PPP2R2B: variants seen among roughly 807,000 people sequenced by gnomAD.
PPP2R2B encodes the protein serine/threonine-protein phosphatase 2A 55 kDa regulatory subunit B beta isoform.
Under a neutral mutation model 46.0 loss-of-function variants are expected in PPP2R2B, and 5 were observed. The ratio of observed to expected loss-of-function variants is 0.11; its 90% CI spans 0.06 to 0.23. The LOEUF (loss-of-function observed/expected upper bound fraction) is 0.23, where lower values mean the gene tolerates loss of function less well. PPP2R2B is among the 10% of genes least tolerant of loss of function. The pLI, the probability that PPP2R2B is intolerant of heterozygous loss-of-function variation, is 1.00. For missense variants in PPP2R2B, 367 were observed against 575.0 expected (o/e 0.64, Z 3.70); for synonymous variants, 215 against 206.7 (o/e 1.04, Z -0.34).
chr5:147,040,010 G>A (rs745414202), intron 1 of PPP2R2B, among the ~76,000 whole-genome samples: 2 of 152,122 alleles, frequency 1.3e-5, no homozygotes, highest in Non-Finnish European at 2.9e-5. Flanking sequence ...GATGTTTTAC[G>A]TATCTTATTT....
intron 5 of PPP2R2B, among the ~76,000 whole-genome samples, chr5:146,687,134 A>C (rs1778560237): frequency 6.6e-6 from 1 of 151,994 alleles, no homozygotes; most frequent in African/African-American, 2.4e-5. Flanking sequence ...TTGATCGATT[A>C]ATCCCCTCAC....
intron 2 of PPP2R2B, among the ~76,000 whole-genome samples, chr5:146,839,811 C>G (rs1759517812): frequency 6.6e-6 from 1 of 152,210 alleles, no homozygotes; most frequent in Non-Finnish European, 1.5e-5. Context: ...ACTTCCCTGC[C>G]TTTCTAAAGG....
chr5:146,710,709 T>C (rs982993948), intron 2 of PPP2R2B, among the ~76,000 whole-genome samples: 1 of 152,250 alleles, frequency 6.6e-6, no homozygotes, highest in African/African-American at 2.4e-5. Context: ...CTGTCAATCA[T>C]TCAGATCTAT....
At chr5:146,704,168 T>C (rs764481218) in intron 2 of PPP2R2B, among the ~76,000 whole-genome samples, 3 of 152,234 alleles carry the variant, frequency 2.0e-5, no homozygotes, top group African/African-American at 7.2e-5. Flanking sequence ...TAATAATTGA[T>C]GCAAAACTCA....
At chr5:147,045,777 C>T (rs763516878) in intron 1 of PPP2R2B, among the ~76,000 whole-genome samples, 1 of 152,102 alleles carries the variant, frequency 6.6e-6, no homozygotes, top group Non-Finnish European at 1.5e-5. Flanking sequence ...CACTGTACCC[C>T]ATCTTGGTCT....
chr5:147,055,496 C>A (rs1221083921), intron 1 of PPP2R2B, among the ~76,000 whole-genome samples: 1 of 152,156 alleles, frequency 6.6e-6, no homozygotes, highest in Non-Finnish European at 1.5e-5. Context: ...TTTCCTTGTA[C>A]AAGACAGACT....
At chr5:146,608,190 G>T (rs1772482864) in intron 7 of PPP2R2B, among the ~76,000 whole-genome samples, 2 of 152,126 alleles carry the variant, frequency 1.3e-5, no homozygotes, top group South Asian at 4.1e-4. Flanking sequence ...AATGCCTGGG[G>T]TGATCAATGC....
At chr5:146,937,198 G>A (rs1447559535) in intron 1 of PPP2R2B, among the ~76,000 whole-genome samples, 1 of 152,046 alleles carries the variant, frequency 6.6e-6, no homozygotes, top group Non-Finnish European at 1.5e-5. Context: ...CTATTTGGGA[G>A]GCTGAAGCAG....
chr5:146,801,435 T>C (rs1212424335), intron 2 of PPP2R2B, among the ~76,000 whole-genome samples: 5 of 152,146 alleles, frequency 3.3e-5, no homozygotes, highest in African/African-American at 1.2e-4. Context: ...TTGTATACCT[T>C]AAATATACAC....
At chr5:146,627,210 C>G (rs1338553016) in intron 7 of PPP2R2B, among the ~76,000 whole-genome samples, 1 of 152,158 alleles carries the variant, frequency 6.6e-6, no homozygotes, top group Non-Finnish European at 1.5e-5. Flanking sequence ...AATAAAGGAC[C>G]TTGTCTTTTT....
chr5:146,639,884 G>A (rs1775083539), intron 6 of PPP2R2B, among the ~76,000 whole-genome samples: 1 of 152,170 alleles, frequency 6.6e-6, no homozygotes, highest in Non-Finnish European at 1.5e-5. Flanking sequence ...AACTGCAAAT[G>A]CGTGTGCCAG....
At chr5:146,854,617 A>C (rs2151385862) in intron 2 of PPP2R2B, among the ~76,000 whole-genome samples, 1 of 152,328 alleles carries the variant, frequency 6.6e-6, no homozygotes, top group South Asian at 2.1e-4. Flanking sequence ...TGAAGAAAGT[A>C]ACTAAACTTG....
chr5:146,832,431 G>T (rs1350088304), intron 2 of PPP2R2B, among the ~76,000 whole-genome samples: 1 of 93,808 alleles, frequency 1.1e-5, no homozygotes, highest in Non-Finnish European at 1.9e-5. Flanking sequence ...CACTCTTATT[G>T]CCTGGGCTGG....
At chr5:146,955,221 G>A (rs919735099) in intron 1 of PPP2R2B, among the ~76,000 whole-genome samples, 1 of 152,134 alleles carries the variant, frequency 6.6e-6, no homozygotes, top group African/African-American at 2.4e-5. Context: ...GCCCCCAGAT[G>A]ATTCTTATGC....
intron 2 of PPP2R2B, among the ~76,000 whole-genome samples, chr5:146,835,009 G>A (rs1049640092): frequency 6.6e-6 from 1 of 151,904 alleles, no homozygotes; most frequent in Non-Finnish European, 1.5e-5. Context: ...ACCACATTTT[G>A]TTAGTCCAGT....
intron 1 of PPP2R2B, among the ~76,000 whole-genome samples, chr5:146,965,986 G>A (rs563696702): frequency 6.6e-6 from 1 of 152,242 alleles, no homozygotes; most frequent in East Asian, 1.9e-4. Flanking sequence ...AAAGCTCTTT[G>A]TACATTCCCC....
At chr5:146,754,040 C>T (rs1753704675) in intron 2 of PPP2R2B, among the ~76,000 whole-genome samples, 1 of 152,016 alleles carries the variant, frequency 6.6e-6, no homozygotes, top group African/African-American at 2.4e-5. Context: ...ATCATAAATC[C>T]AGGCTTGAAA....
At chr5:146,913,835 C>G (rs1052484371) in intron 1 of PPP2R2B, among the ~76,000 whole-genome samples, 1 of 152,286 alleles carries the variant, frequency 6.6e-6, no homozygotes, top group East Asian at 1.9e-4. Context: ...GGTGATGGGA[C>G]TATTTACTCC....
At chr5:147,003,570 CAA>C (rs1754290048) in intron 1 of PPP2R2B, among the ~76,000 whole-genome samples, 1 of 152,024 alleles carries the variant, frequency 6.6e-6, no homozygotes, top group Admixed American at 6.6e-5. Context: ...AGCTGCAGCC[CAA>C]GAGTTTGGAG....
Sources: gnomAD v4.1 joint callset for allele counts (sites outside exome capture counted in the v4.1 genomes callset) on GRCh38, gnomAD v4.1.1 for gene constraint, MANE v1.5 for transcripts, NCBI Gene and HGNC (gene_info 2026-07-23, HGNC 2026-07-21) for gene names.